MICALL2: variants seen among roughly 807,000 people sequenced by gnomAD.
MICALL2 encodes the protein MICAL like 2, also known as MICAL-like protein 2.
Under a neutral mutation model 91.1 loss-of-function variants are expected in MICALL2, and 111 were observed. The ratio of observed to expected loss-of-function variants is 1.22; its 90% CI spans 1.04 to 1.43. The LOEUF (loss-of-function observed/expected upper bound fraction) is 1.43. MICALL2 is among the 40% of genes most tolerant of loss of function. The pLI, the probability that MICALL2 is intolerant of heterozygous loss-of-function variation, is 0.00. For synonymous variants in MICALL2, 694 were observed against 525.3 expected (o/e 1.32, Z -4.39); for missense variants, 1,556 against 1,236.0 (o/e 1.26, Z -3.88).
At chr7:1,439,649 C>G (rs573143948) in intron 9 of MICALL2, 191 of 375,662 alleles carry the variant, frequency 5.1e-4, no homozygotes, top group African/African-American at 3.7e-3. Context: ...GCATCACGTG[C>G]ACATGCATCA....
Position 1,459,348 on chromosome 7 carries a change from C to G in MICALL2, c.-22G>C. The G allele has an allele frequency of 7.0e-7, 1 of 1,435,960 alleles. No homozygotes were observed. Among genetic ancestry groups the G allele is most frequent in the South Asian group, 1.3e-5 (1 of 77,144 alleles). The allele number at this position is 1,435,960 out of a possible 1,614,324, so 89.0% of individuals were successfully genotyped here. A position where few individuals can be genotyped will look rare whatever the true frequency, so the allele number is the denominator to read the frequency against. On this transcript the variant is annotated 5_prime_UTR_variant, in exon 1 of 17. Transcript: ENST00000297508. ...CCATGTGGGCGGCGCGCCCGCCGCG[C>G]GGCGGAACCGCCCTCCGACACCTTC...
In MICALL2 at chr7:1,445,438, G is replaced by C; in HGVS notation, c.642-10C>G. The stretch of plus-strand genomic sequence containing the variant: ...GGAGCACTGCTTACACCTGGGGGAG[G>C]AAAGGCACAGGAGCCCCAGCTCGGC... On this transcript the variant is annotated splice_polypyrimidine_tract_variant and intron_variant, in intron 5 of 16. Coordinates refer to ENST00000297508, the MANE Select transcript of MICALL2 (RefSeq NM_182924.4). 6.6e-7 allele frequency: 1 copy of C among 1,519,272 alleles called. No individual in the cohort carries two copies. Among genetic ancestry groups the C allele is most frequent in the Non-Finnish European group, 8.8e-7 (1 of 1,137,710 alleles). 94.1% of individuals were successfully genotyped at this position (1,519,272 alleles called of 1,614,324 possible).
rs193271993 is a variant in MICALL2, at chr7:1,438,333, T to G, written c.2143A>C (p.Asn715His). Residue 715 changes from asparagine (N) to histidine (H), a missense_variant, in exon 11 of 17, where the codon AAT becomes CAT. Physicochemically the swap from Asn to His is moderately conservative, Grantham distance 68. Coordinates refer to ENST00000297508, the MANE Select transcript of MICALL2 (RefSeq NM_182924.4). ...GKPGRPLSPA[N>H]VPALPGETVT... ...GTCTCGCCAGGCAGAGCAGGGACAT[T>G]GGCCGGGGACAAGGGTCTCCCTGGA... 1.1e-3 allele frequency: 1,812 copies of G among 1,604,788 alleles called. 31 individuals are homozygous for G. In the Admixed American group the frequency reaches 0.028, roughly 25 times the overall value.
intron 1 of MICALL2, among the ~76,000 whole-genome samples, chr7:1,457,141 C>T (rs1562471775): frequency 6.6e-6 from 1 of 152,192 alleles, no homozygotes. Context: ...GGCACATGGC[C>T]TTCTCCTCTG....
At chr7:1,457,701 C>T (rs1781069749) in intron 1 of MICALL2, among the ~76,000 whole-genome samples, 1 of 152,238 alleles carries the variant, frequency 6.6e-6, no homozygotes, top group Non-Finnish European at 1.5e-5. Context: ...CTCCCCAGGA[C>T]CAGAGGGCCC....
intron 1 of MICALL2, among the ~76,000 whole-genome samples, chr7:1,458,920 TGAAGCCAG>T (rs1781113310): frequency 6.6e-6 from 1 of 152,216 alleles, no homozygotes; most frequent in Non-Finnish European, 1.5e-5. Context: ...GGGACTGGAC[TGAAGCCAG>T]GGCCCAGGAG....
rs780819949 is a variant in MICALL2 at position 1,450,355 on chromosome 7, A to C, written c.144-67T>G. 5.9e-6 allele frequency: 8 copies of C among 1,352,722 alleles called. No homozygotes were observed. In the Admixed American group the frequency reaches 6.7e-5, roughly 11 times the overall value. 83.8% of individuals were successfully genotyped at this position (1,352,722 alleles called of 1,614,324 possible). Reference sequence around the variant, plus strand: ...ACGAAGGGAGGGGCTGGAGGGCCTCAGAGGTCATCTTGCCCAAACAGAGAA... The same window carrying C: ...ACGAAGGGAGGGGCTGGAGGGCCTCCGAGGTCATCTTGCCCAAACAGAGAA... On this transcript the variant is annotated intron_variant, in intron 1 of 16. Transcript: ENST00000297508.
At chr7:1,437,637 G>A in intron 13 of MICALL2, 29 bp from the exon 14 acceptor site, 1 of 1,536,488 alleles carries the variant, frequency 6.5e-7, no homozygotes. Flanking sequence ...TCTGAGGCCT[G>A]ACTCTGCCGC....
intron 2 of MICALL2, among the ~76,000 whole-genome samples, chr7:1,449,402 C>T (rs1339656635): frequency 2.0e-5 from 3 of 152,336 alleles, no homozygotes; most frequent in African/African-American, 7.2e-5. Context: ...CTCCACCTTC[C>T]GGATTCAAGC....
chr7:1,450,250 T>G lies in MICALL2; in HGVS notation c.182A>C (p.Asn61Thr), dbSNP rs1215397940. 1.2e-6 allele frequency: 2 copies of G among 1,612,784 alleles called. No individual in the cohort carries two copies. Reference protein sequence around the residue: ...SALKKENIYENNKLAFRVAEE... With the variant: ...SALKKENIYETNKLAFRVAEE... ...GCGGGGGCCACTCACCAGTTTATTG[T>G]TTTCATAAATATTTTCCTTCTTGAG... Residue 61 changes from asparagine (N) to threonine (T), a missense_variant, in exon 2 of 17, where the codon AAC becomes ACC. By Grantham distance (65) the Asn-to-Thr change is moderately conservative. Coordinates refer to ENST00000297508, the MANE Select transcript of MICALL2 (RefSeq NM_182924.4).
At chr7:1,449,262 T>C (rs1156552147) in intron 2 of MICALL2, among the ~76,000 whole-genome samples, 2 of 152,206 alleles carry the variant, frequency 1.3e-5, no homozygotes, top group Non-Finnish European at 1.5e-5. Flanking sequence ...GCTGTGAGCA[T>C]GGGAAGTGTG....
intron 8 of MICALL2, 77 bp from the exon 9 acceptor site, chr7:1,440,162 T>C (rs1448358569): frequency 4.0e-6 from 6 of 1,516,686 alleles, no homozygotes; most frequent in South Asian, 1.3e-5. Flanking sequence ...TCCCAGGCCA[T>C]ATGCAGACCA....
chr7:1,437,803 G>A, intron 13 of MICALL2, 87 bp downstream of exon 13: 1 of 1,347,234 alleles, frequency 7.4e-7, no homozygotes, highest in Non-Finnish European at 1.0e-6. Context: ...TCTGAGGCCT[G>A]ACTCTGCGCT....
intron 1 of MICALL2, among the ~76,000 whole-genome samples, chr7:1,455,589 A>G (rs1780985621): frequency 6.8e-6 from 1 of 147,590 alleles, no homozygotes; most frequent in Non-Finnish European, 1.6e-5. Context: ...CACGTGGCTC[A>G]AGGAGCCGGA....
Position 1,440,085 on chromosome 7 carries a change from C to T in MICALL2, c.1806G>A (p.Arg602=). 2 of 1,589,476 alleles carry T rather than the reference C, an allele frequency of 1.3e-6. No homozygotes were observed. The highest frequency in any genetic ancestry group is 1.7e-6 in the Non-Finnish European group (2 of 1,173,156). The change falls in exon 9 of 17, where the codon AGG becomes AGA. Residue 602 remains arginine (R), a splice_region_variant and synonymous_variant. Transcript: ENST00000297508. The part of the protein sequence containing the change: ...KPVDRRSPAE[R]TLKPKEPRAL... ...CCCGTGGTTCCTTGGGCTTCAGAGT[C>T]CTGGGCAGAAGGCATGAGGTCGGAA...
In MICALL2 at chr7:1,448,651, C is replaced by G; in HGVS notation, c.303G>C (p.Gln101His). ...AGCGGCCGTGGAAGTAGTTGTAATA[C>G]TGGGACACGTAGGTCAAGATGCTCA... The part of the protein sequence containing the change: ...DRLSILTYVS[Q>H]YYNYFHGRSP... Residue 101 changes from glutamine (Q) to histidine (H), a missense_variant, in exon 3 of 17, where the codon CAG becomes CAC. By Grantham distance (24) the Gln-to-His change is conservative. Transcript: ENST00000297508. The G allele has an allele frequency of 1.9e-6, 3 of 1,612,752 alleles. No homozygotes were observed. The highest frequency in any genetic ancestry group is 2.5e-6 in the Non-Finnish European group (3 of 1,179,904).
rs1256222663 is a variant in MICALL2 at position 1,452,291 on chromosome 7, CTCTG to C, written c.144-2007_144-2004del. On this transcript the variant is annotated intron_variant, in intron 1 of 16. Coordinates refer to ENST00000297508, the MANE Select transcript of MICALL2 (RefSeq NM_182924.4). The surrounding 1 kb of genome is among the most constrained non-coding windows in gnomAD (Gnocchi z 6.2). ...CGTCTGCTCGGGCCTGGGCCGATGC[CTCTG>C]TCTGCCTGGGCTTGTCCCCCGAGAG... is the stretch of plus-strand genomic sequence containing the variant. Among the ~76,000 whole-genome samples the C allele has an allele frequency of 6.6e-6, 1 of 152,198 alleles. No individual in the cohort carries two copies. Among genetic ancestry groups the C allele is most frequent in the Admixed American group, 6.5e-5 (1 of 15,284 alleles).
At position 1,438,346 on chromosome 7, in the gene MICALL2, G is replaced by A. The variant is rs11976820; in HGVS notation, c.2130C>T (p.Pro710=). 0.015 allele frequency: 24,016 copies of A among 1,601,876 alleles called. 2,440 individuals carry two copies. In the African/African-American group the frequency reaches 0.25, roughly 17 times the overall value. Residue 710 remains proline (P), a synonymous_variant, in exon 11 of 17, where the codon CCC becomes CCT. Coordinates refer to ENST00000297508, the MANE Select transcript of MICALL2 (RefSeq NM_182924.4). ...GAGCAGGGACATTGGCCGGGGACAA[G>A]GGTCTCCCTGGAGAAGGAGCAGGGT... The part of the protein sequence containing the change: ...KPHLQGKPGR[P]LSPANVPALP...
In MICALL2 at chr7:1,442,308, G is replaced by A. The variant is rs1780327052; in HGVS notation, c.1595C>T (p.Pro532Leu). 2 of 1,613,096 alleles carry A rather than the reference G, an allele frequency of 1.2e-6. No individual in the cohort carries two copies. The highest frequency in any genetic ancestry group is 1.7e-6 in the Non-Finnish European group (2 of 1,179,952). The part of the protein sequence containing the change: ...TSSTSQASAL[P>L]PAGRRNLAES... ...CGCCAAGTTCCTCCTGCCTGCCGGGGGCAACGCGGATGCCTGAGAGGTACT... is the reference window on the plus strand; with the variant it reads ...CGCCAAGTTCCTCCTGCCTGCCGGGAGCAACGCGGATGCCTGAGAGGTACT... Residue 532 changes from proline (P) to leucine (L), a missense_variant, in exon 7 of 17, where the codon CCC becomes CTC. By Grantham distance (98) the Pro-to-Leu change is moderately conservative. Coordinates refer to ENST00000297508, the MANE Select transcript of MICALL2 (RefSeq NM_182924.4).
Sources: gnomAD v4.1 joint callset for allele counts (sites outside exome capture counted in the v4.1 genomes callset) on GRCh38, gnomAD v4.1.1 for gene constraint, Gnocchi (gnomAD v3.1) non-coding constraint, MANE v1.5 for transcripts, NCBI Gene and HGNC (gene_info 2026-07-23, HGNC 2026-07-21) for gene names.